Variants in EPG5 observed in about 807,000 individuals in gnomAD.
The protein encoded by EPG5 is ectopic P granules protein 5 homolog.
EPG5 carries 159 observed loss-of-function variants against 302.7 expected under a neutral mutation model. That is an observed-to-expected ratio of 0.53 (90% CI 0.46 to 0.60). The LOEUF is 0.60. Among genes scored for constraint, EPG5 ranks in the 20% least tolerant of loss-of-function variants. The probability of loss-of-function intolerance (pLI) is 0.00; values close to 1 mark genes in which losing one functional copy is unlikely to be tolerated. For synonymous variants in EPG5, 1,158 were observed against 1,136.8 expected, an observed-to-expected ratio of 1.02 and a Z score of -0.37; for missense variants, 2,896 against 3,092.4, an observed-to-expected ratio of 0.94 and a Z score of 1.51.
intron 10 of EPG5, among the ~76,000 whole-genome samples, chr18:45,935,561 T>C (rs2050504022): frequency 6.6e-6 from 1 of 151,868 alleles, no homozygotes; most frequent in African/African-American, 2.4e-5. Flanking sequence ...TAAGTATTAT[T>C]ATTACGGATA....
chr18:45,879,113 AT>A lies in EPG5; in HGVS notation c.5768del (p.Tyr1923LeufsTer5). ...CCAAGAATGTCTTCACATCAGCCAT[AT>A]AAGGACTCCATTTTGAGAATAAACC... ...SFGLFSKWSPYMADVKTFLGY... is the reference protein window; with the variant it reads ...SFGLFSKWSPXMADVKTFLGY... On this transcript the variant is annotated frameshift_variant, in exon 33 of 44. Coordinates refer to ENST00000282041, the MANE Select transcript of EPG5 (RefSeq NM_020964.3). LOFTEE classifies it high-confidence loss of function. 6.2e-7 allele frequency: 1 copy of A among 1,614,196 alleles called. No homozygotes were observed. Among genetic ancestry groups the A allele is most frequent in the Non-Finnish European group, 8.5e-7 (1 of 1,180,022 alleles).
Position 45,954,430 on chromosome 18 carries a change from C to A in EPG5, c.972G>T (p.Arg324=), listed in dbSNP as rs563029581. 76 of 1,613,204 alleles carry A rather than the reference C, an allele frequency of 4.7e-5. No homozygotes were observed. The South Asian group carries it at 8.2e-4, about 18-fold the overall frequency. Reference sequence around the variant, plus strand: ...TTTGTTCCTCCTTAAACTGCCACAGCCGACTTTTAGCATTTTGGCAATCAG... The same window carrying A: ...TTTGTTCCTCCTTAAACTGCCACAGACGACTTTTAGCATTTTGGCAATCAG... ...LTSDCQNAKS[R]LWQFKEEQMS... The change falls in exon 2 of 44, where the codon CGG becomes CGT. Residue 324 remains arginine (R), a synonymous_variant. Coordinates refer to ENST00000282041, the MANE Select transcript of EPG5 (RefSeq NM_020964.3).
rs548440395 is a variant in EPG5, at chr18:45,955,871, G to A, written c.64-533C>T. Among the ~76,000 whole-genome samples the A allele has an allele frequency of 1.2e-3, 186 of 152,256 alleles. 1 individual carries two copies. The highest frequency in any genetic ancestry group is 6.8e-3 in the Middle Eastern group (2 of 294). ...TACATAAATAAAATGAGTGAGAAGC[G>A]ACAATTCTTCCATACAGGAAAATTC... On this transcript the variant is annotated intron_variant, in intron 1 of 43. Transcript: ENST00000282041.
chr18:45,894,613 C>T (rs905488857), intron 27 of EPG5, among the ~76,000 whole-genome samples: 6 of 152,042 alleles, frequency 3.9e-5, no homozygotes, highest in Admixed American at 6.6e-5. Context: ...TGCAAGAGTC[C>T]GCAAAGACTT....
intron 26 of EPG5, among the ~76,000 whole-genome samples, chr18:45,900,168 C>T (rs1000334899): frequency 2.0e-5 from 3 of 152,028 alleles, no homozygotes; most frequent in Non-Finnish European, 2.9e-5. Context: ...TTTGGGAGGC[C>T]GAGGCGGGTG....
chr18:45,865,561 C>A, intron 39 of EPG5, 54 bp downstream of exon 39: 1 of 1,586,974 alleles, frequency 6.3e-7, no homozygotes, highest in Non-Finnish European at 8.6e-7. Context: ...GTGCCTTACG[C>A]ACAGCAGGAA....
chr18:45,883,455 G>A (rs1402445727), intron 30 of EPG5, among the ~76,000 whole-genome samples: 1 of 135,330 alleles, frequency 7.4e-6, no homozygotes, highest in African/African-American at 2.8e-5. Context: ...AAATTGTCAA[G>A]GTTGTCTTTT....
rs192268012 is a variant in EPG5 at position 45,932,502 on chromosome 18, T to C, written c.2258-1672A>G. Among the ~76,000 whole-genome samples, 784 of 152,288 alleles carry C rather than the reference T, an allele frequency of 5.1e-3. 4 individuals carry two copies. Among genetic ancestry groups the C allele is most frequent in the Middle Eastern group, 0.01 (3 of 294 alleles). ...GATTTCAAGCTCACCCTACTCCTAT[T>C]ACCACAGATAAATAAGAACTGGTTA... On this transcript the variant is annotated intron_variant, in intron 11 of 43. Coordinates refer to ENST00000282041, the MANE Select transcript of EPG5 (RefSeq NM_020964.3).
chr18:45,935,944 T>C (rs1368812968), intron 10 of EPG5, among the ~76,000 whole-genome samples: 13 of 152,294 alleles, frequency 8.5e-5, no homozygotes, highest in Admixed American at 5.2e-4. Flanking sequence ...CTTCCTCCTC[T>C]GCACTATTAC....
At chr18:45,911,289 G>GT (rs920890095) in intron 22 of EPG5, among the ~76,000 whole-genome samples, 12,545 of 127,318 alleles carry the variant, frequency 0.099, 684 homozygotes, top group African/African-American at 0.15. Flanking sequence ...GCGCTGGGTT[G>GT]TTTTTTTTTT....
intron 24 of EPG5, among the ~76,000 whole-genome samples, chr18:45,904,423 A>G (rs1455144325): frequency 6.6e-6 from 1 of 152,248 alleles, no homozygotes; most frequent in African/African-American, 2.4e-5. Context: ...TAGGTAAAAA[A>G]TAGCAAATGT....
intron 27 of EPG5, 92 bp downstream of exon 27, chr18:45,899,312 G>A (rs1370905715): frequency 1.4e-6 from 2 of 1,412,396 alleles, no homozygotes; most frequent in Non-Finnish European, 2.0e-6. Flanking sequence ...CAGACAGTGT[G>A]CTATATATGT....
At chr18:45,829,159 T>C in the EPG5 span, 2 of 985,468 alleles carry the variant, frequency 2.0e-6, no homozygotes, top group Non-Finnish European at 2.4e-6. Context: ...GGTCAGCCTG[T>C]GGCCCTGCCT....
the EPG5 span, chr18:45,837,869 C>T: frequency 1.3e-6 from 2 of 1,532,518 alleles, no homozygotes; most frequent in South Asian, 1.2e-5. Context: ...CTACGAGAGC[C>T]GCCACGGCGT....
In EPG5 at chr18:45,849,838, CA is replaced by C. The variant is rs1419065847; in HGVS notation, c.*2628del. ...CAGGAAGGAGCTTTGGAAACATGTA[CA>C]GGTGGGTCCCGAATCCACTGCTACT... On this transcript the variant is annotated 3_prime_UTR_variant, in exon 44 of 44. Coordinates refer to ENST00000282041, the MANE Select transcript of EPG5 (RefSeq NM_020964.3). 6.6e-6 allele frequency: 1 copy of C among 152,228 alleles called. No individual in the cohort carries two copies. The highest frequency in any genetic ancestry group is 1.5e-5 in the Non-Finnish European group (1 of 68,058). The allele number at this position is 152,228 out of a possible 1,614,324, so 9.4% of individuals were successfully genotyped here.
intron 42 of EPG5, 78 bp from the exon 43 acceptor site, chr18:45,855,765 T>G (rs774007400): frequency 7.7e-6 from 7 of 906,490 alleles, no homozygotes; most frequent in Non-Finnish European, 1.1e-5. Flanking sequence ...ATATTTTCTA[T>G]GACATAAAAA....
Position 45,915,990 on chromosome 18 carries a change from T to C in EPG5, c.3582+19A>G. 1 of 1,590,132 alleles carries C rather than the reference T, an allele frequency of 6.3e-7. No individual in the cohort carries two copies. Among genetic ancestry groups the C allele is most frequent in the South Asian group, 1.1e-5 (1 of 87,536 alleles). The stretch of plus-strand genomic sequence containing the variant: ...TCTAGCCAATCACTGAAAGATAAAT[T>C]CTCTAACAGGTTAATTACCTTATGT... On this transcript the variant is annotated intron_variant, in intron 19 of 43. Transcript: ENST00000282041.
intron 20 of EPG5, 150 bp downstream of exon 20, chr18:45,915,361 C>T (rs2050004011): frequency 1.6e-6 from 1 of 609,900 alleles, no homozygotes; most frequent in Non-Finnish European, 2.9e-6. Context: ...CACCAAAGGG[C>T]TACTGTAAAG....
intron 32 of EPG5, 42 bp from the exon 33 acceptor site, chr18:45,879,256 AT>A: frequency 7.0e-7 from 1 of 1,422,354 alleles, no homozygotes; most frequent in Non-Finnish European, 9.7e-7. Flanking sequence ...CTAAATATGT[AT>A]TTTAGTAAAG....
Sources: gnomAD v4.1 joint callset for allele counts (sites outside exome capture counted in the v4.1 genomes callset) on GRCh38, gnomAD v4.1.1 for gene constraint, MANE v1.5 for transcripts, NCBI Gene and HGNC (gene_info 2026-07-23, HGNC 2026-07-21) for gene names.